The following ME1 variants were observed in gnomAD, a reference collection of about 807,000 sequenced individuals.
ME1 encodes NADP-dependent malic enzyme.
ME1 carries 74 observed loss-of-function variants against 66.4 expected under a neutral mutation model. That is an observed-to-expected ratio of 1.11 (90% CI 0.92 to 1.35). ME1 has a LOEUF of 1.35. ME1 is among the 40% of genes most tolerant of loss of function. The pLI is 0.00. For synonymous variants in ME1, 251 were observed against 235.6 expected (o/e 1.07, Z -0.60); for missense variants, 750 against 694.1 (o/e 1.08, Z -0.90).
At chr6:83,356,141 C>A (rs910262115) in intron 3 of ME1, among the ~76,000 whole-genome samples, 2 of 152,094 alleles carry the variant, frequency 1.3e-5, no homozygotes, top group African/African-American at 4.8e-5. Context: ...TAACATGCAA[C>A]TTTCTACTGT....
chr6:83,381,189 T>C (rs1181385323), intron 3 of ME1, among the ~76,000 whole-genome samples: 2 of 152,012 alleles, frequency 1.3e-5, no homozygotes, highest in Non-Finnish European at 2.9e-5. Context: ...CCCACATTAA[T>C]AATATTTTAA....
chr6:83,320,966 T>C (rs934596864), intron 5 of ME1, among the ~76,000 whole-genome samples: 2 of 152,012 alleles, frequency 1.3e-5, no homozygotes. Context: ...GTTCATCTCA[T>C]TGGGATGGGT....
At chr6:83,221,655 A>G (rs896283231) in intron 12 of ME1, among the ~76,000 whole-genome samples, 1 of 152,198 alleles carries the variant, frequency 6.6e-6, no homozygotes, top group Non-Finnish European at 1.5e-5. Flanking sequence ...AACTGGAGAT[A>G]TGGAAAAAGA....
intron 3 of ME1, 36 bp from the exon 4 acceptor site, chr6:83,352,175 AT>A (rs1424513532): frequency 2.9e-6 from 4 of 1,378,356 alleles, no homozygotes; most frequent in Non-Finnish European, 3.9e-6. Flanking sequence ...AGTAGTTTAC[AT>A]TTACTTCAGG....
At chr6:83,339,606 G>A (rs1287250023) in intron 5 of ME1, among the ~76,000 whole-genome samples, 5 of 16,428 alleles carry the variant, frequency 3.0e-4, no homozygotes, top group African/African-American at 9.1e-4. Flanking sequence ...TTAAGAAAAT[G>A]TGGCACATAT....
intron 6 of ME1, among the ~76,000 whole-genome samples, chr6:83,312,102 A>G (rs1283663836): frequency 1.3e-5 from 2 of 152,170 alleles, no homozygotes; most frequent in Non-Finnish European, 2.9e-5. Flanking sequence ...TGACAAGAAT[A>G]CAGGGTAATA....
chr6:83,222,202 T>C (rs1400895292), intron 12 of ME1, among the ~76,000 whole-genome samples: 1 of 152,222 alleles, frequency 6.6e-6, no homozygotes, highest in African/African-American at 2.4e-5. Context: ...TTACATGCTC[T>C]CTTAGTAATT....
intron 6 of ME1, among the ~76,000 whole-genome samples, chr6:83,257,107 G>C (rs1409333703): frequency 1.3e-5 from 2 of 151,572 alleles, no homozygotes; most frequent in African/African-American, 4.9e-5. Context: ...TGGGTTGATG[G>C]GTGCAGCAAA....
At chr6:83,284,275 C>T (rs2128533669) in intron 6 of ME1, among the ~76,000 whole-genome samples, 1 of 151,954 alleles carries the variant, frequency 6.6e-6, no homozygotes, top group East Asian at 1.9e-4. Flanking sequence ...CCCCAAAAAC[C>T]CAGAAAATGG....
At chr6:83,297,419 AAACTATCAATTACATTCTCCACAG>A (rs544554324) in intron 6 of ME1, among the ~76,000 whole-genome samples, 63 of 152,296 alleles carry the variant, frequency 4.1e-4, no homozygotes, top group African/African-American at 1.5e-3. Context: ...TATTCCAATC[AAACTATCAATTACATTCTCCACAG>A]AACTAGAAAA....
chr6:83,384,607 T>G (rs959073698), intron 3 of ME1, among the ~76,000 whole-genome samples: 6 of 151,828 alleles, frequency 4.0e-5, no homozygotes, highest in African/African-American at 1.5e-4. Flanking sequence ...TGTCTGTTTA[T>G]TCTTTTAATA....
chr6:83,430,795 G>A, intron 1 of ME1, 82 bp downstream of exon 1: 2 of 1,243,550 alleles, frequency 1.6e-6, no homozygotes, highest in Non-Finnish European at 1.1e-6. Flanking sequence ...GAGGGGCGAG[G>A]CCATGGTGCG....
At chr6:83,298,192 G>T (rs1767638310) in intron 6 of ME1, among the ~76,000 whole-genome samples, 2 of 152,098 alleles carry the variant, frequency 1.3e-5, no homozygotes, top group Admixed American at 1.3e-4. Context: ...GTGTAAAAGA[G>T]TTCCTATTTC....
chr6:83,428,968 T>C (rs138857431), intron 1 of ME1, among the ~76,000 whole-genome samples: 27 of 152,272 alleles, frequency 1.8e-4, no homozygotes, highest in Non-Finnish European at 1.5e-5. Context: ...AGGATTGTTA[T>C]ATCATAAATT....
chr6:83,428,011 CAA>C (rs57471870), intron 1 of ME1, among the ~76,000 whole-genome samples: 10 of 122,324 alleles, frequency 8.2e-5, no homozygotes, highest in South Asian at 2.7e-4. Context: ...GGCTCTGTCT[CAA>C]AAAAAAAAAA....
chr6:83,370,938 A>G (rs1308379603), intron 3 of ME1, among the ~76,000 whole-genome samples: 1 of 152,104 alleles, frequency 6.6e-6, no homozygotes, highest in African/African-American at 2.4e-5. Flanking sequence ...AAAAAACATT[A>G]ATGAAGAAAA....
At chr6:83,430,736 G>T (rs1156350083) in intron 1 of ME1, 141 bp downstream of exon 1, 27 of 655,068 alleles carry the variant, frequency 4.1e-5, no homozygotes, top group Non-Finnish European at 5.2e-5. Context: ...CCACACCAAG[G>T]CCCCCCAGGC....
At chr6:83,238,357 T>A (rs1169687703) in intron 8 of ME1, among the ~76,000 whole-genome samples, 7 of 152,196 alleles carry the variant, frequency 4.6e-5, no homozygotes, top group Non-Finnish European at 1.0e-4. Context: ...TGGTATTTGG[T>A]AAATTTTATA....
chr6:83,323,016 A>G (rs926534163), intron 5 of ME1, among the ~76,000 whole-genome samples: 22 of 152,256 alleles, frequency 1.4e-4, no homozygotes, highest in Non-Finnish European at 2.8e-4. Flanking sequence ...TTCTTAAAGA[A>G]AAGAATTTTC....
Sources: allele counts gnomAD v4.1 joint callset (sites outside exome capture counted in the v4.1 genomes callset), GRCh38; gene constraint gnomAD v4.1.1; transcripts MANE v1.5; gene names NCBI Gene and HGNC (gene_info 2026-07-23, HGNC 2026-07-21).